The following MYH6 variants were observed in gnomAD, a reference collection of about 807,000 sequenced individuals.
MYH6 encodes myosin heavy chain 6, also known as myosin-6.
Under a neutral mutation model 223.2 loss-of-function variants are expected in MYH6, and 126 were observed. That is an observed-to-expected ratio of 0.56 (90% CI 0.49 to 0.65). The LOEUF is 0.65. MYH6 is among the 30% of genes least tolerant of loss of function. The pLI is 0.00. For synonymous variants in MYH6, 978 were observed against 1,010.2 expected (o/e 0.97, Z 0.61); for missense variants, 2,040 against 2,536.4 (o/e 0.80, Z 4.20).
chr14:23,387,671 AG>A lies in MYH6; in HGVS notation c.4526-19del. 1.2e-6 allele frequency: 2 copies of A among 1,614,126 alleles called. No individual in the cohort carries two copies. Among genetic ancestry groups the A allele is most frequent in the Non-Finnish European group, 1.7e-6 (2 of 1,180,006 alleles). The stretch of plus-strand genomic sequence containing the variant: ...GATTTCCTCTGGGGACCAGAGGGCC[AG>A]AAAGCTCAAAGCCTATGTTCCCCCT... On this transcript the variant is annotated intron_variant, in intron 31 of 38. Coordinates refer to ENST00000405093, the MANE Select transcript of MYH6 (RefSeq NM_002471.4).
At chr14:23,385,374 C>G (rs1445701567) in intron 34 of MYH6, among the ~76,000 whole-genome samples, 2 of 150,770 alleles carry the variant, frequency 1.3e-5, no homozygotes, top group African/African-American at 4.9e-5. Context: ...GACAATATTC[C>G]AGAGATGTTT....
Position 23,407,384 on chromosome 14 carries a change from G to T in MYH6, c.-13-148C>A, listed in dbSNP as rs1891824093. 2.7e-6 allele frequency: 3 copies of T among 1,121,352 alleles called. No individual in the cohort carries two copies. The highest frequency in any genetic ancestry group is 3.8e-6 in the Non-Finnish European group (3 of 781,738). 69.5% of individuals were successfully genotyped at this position (1,121,352 alleles called of 1,614,324 possible). A position where few individuals can be genotyped will look rare whatever the true frequency, so the allele number is the denominator to read the frequency against. ...GCTGTTGCACCCTCCCCTACTCAGG[G>T]CTCTGCTTCTCCTGCCCTCTGAGGT... On this transcript the variant is annotated intron_variant, in intron 2 of 38. Coordinates refer to ENST00000405093, the MANE Select transcript of MYH6 (RefSeq NM_002471.4). The surrounding 1 kb of genome is among the most constrained non-coding windows in gnomAD (Gnocchi z 5.6).
chr14:23,387,102 G>A (rs1446482781), intron 32 of MYH6, among the ~76,000 whole-genome samples: 3 of 152,154 alleles, frequency 2.0e-5, no homozygotes, highest in Non-Finnish European at 4.4e-5. Context: ...ATAATCATGT[G>A]TAAAATCATA....
chr14:23,383,359 G>A (rs997873841), intron 36 of MYH6, 39 bp from the exon 37 acceptor site: 3 of 1,460,520 alleles, frequency 2.1e-6, no homozygotes, highest in South Asian at 2.4e-5. Flanking sequence ...TTTGGAGGGG[G>A]AGCAAATGCA....
chr14:23,405,162 G>A lies in MYH6; in HGVS notation c.503-35C>T, dbSNP rs779939903. 2 of 1,614,006 alleles carry A rather than the reference G, an allele frequency of 1.2e-6. No individual in the cohort carries two copies. The highest frequency in any genetic ancestry group is 3.3e-5 in the Admixed American group (2 of 60,026). On this transcript the variant is annotated intron_variant, in intron 5 of 38. Coordinates refer to ENST00000405093, the MANE Select transcript of MYH6 (RefSeq NM_002471.4). The surrounding 1 kb of genome is among the most constrained non-coding windows in gnomAD (Gnocchi z 4.7). ...AAAAGAGGAGAAGCAATGGGGTCAG[G>A]GCTGAGGATCTGGGTGGGTGTCTGG... is the stretch of plus-strand genomic sequence containing the variant.
In MYH6 at chr14:23,398,774, G is replaced by C; in HGVS notation, c.1845C>G (p.Leu615=). ...AGGAGAAGAGAGTGGCCATGAGCTT[G>C]AGGGAGGACTTCTGGTACAGGGCCA... ...TVVALYQKSS[L]KLMATLFSSY... Residue 615 remains leucine (L), a synonymous_variant, in exon 15 of 39, where the codon CTC becomes CTG. Transcript: ENST00000405093. The C allele has an allele frequency of 6.2e-7, 1 of 1,614,228 alleles. No individual in the cohort carries two copies. The highest frequency in any genetic ancestry group is 1.1e-5 in the South Asian group (1 of 91,080).
Position 23,400,965 on chromosome 14 carries a change from G to C in MYH6, c.1154C>G (p.Ser385Trp). 1 of 1,614,028 alleles carries C rather than the reference G, an allele frequency of 6.2e-7. No individual in the cohort carries two copies. Among genetic ancestry groups the C allele is most frequent in the South Asian group, 1.1e-5 (1 of 91,082 alleles). Residue 385 changes from serine (S) to tryptophan (W), a missense_variant, in exon 13 of 39, where the codon TCG (serine) becomes TGG (tryptophan). Transcript: ENST00000405093. ...EPDGTEDADKSAYLMGLNSAD... is the reference protein window; with the variant it reads ...EPDGTEDADKWAYLMGLNSAD... ...TGAGTTCAGCCCCATGAGGTAGGCC[G>C]ACTTGTCAGCATCTGGTTGAGAGGG...
chr14:23,400,331 G>A lies in MYH6; in HGVS notation c.1506C>T (p.Tyr502=). 6.2e-7 allele frequency: 1 copy of A among 1,614,224 alleles called. No individual in the cohort carries two copies. The highest frequency in any genetic ancestry group is 8.5e-7 in the Non-Finnish European group (1 of 1,180,046). The change falls in exon 14 of 39, where the codon TAC becomes TAT. Residue 502 remains tyrosine (Y), a synonymous_variant. Transcript: ENST00000405093. ...HHMFVLEQEE[Y]KKEGIEWTFI... is the part of the protein sequence containing the mutation. ...ATGTCCACTCAATGCCCTCCTTCTT[G>A]TACTCCTCCTGCTCCAGCACGAACA...
intron 6 of MYH6, 105 bp from the exon 7 acceptor site, chr14:23,404,927 C>T (rs562646486): frequency 6.7e-7 from 1 of 1,481,734 alleles, no homozygotes; most frequent in Admixed American, 1.8e-5. Flanking sequence ...GAGCCCAGCA[C>T]CCAGCAGGAT....
At chr14:23,392,757 C>A in intron 24 of MYH6, 105 bp from the exon 25 acceptor site, 2 of 1,451,622 alleles carry the variant, frequency 1.4e-6, no homozygotes, top group East Asian at 4.5e-5. Flanking sequence ...CTCCCCCTCC[C>A]CTCGCCAGCC....
At chr14:23,389,329 G>T in intron 28 of MYH6, 64 bp downstream of exon 28, 3 of 1,545,624 alleles carry the variant, frequency 1.9e-6, no homozygotes, top group Non-Finnish European at 2.7e-6. Flanking sequence ...CTCCATTTCT[G>T]GCACTGAGAT....
chr14:23,404,656 C>A (rs548328011), intron 7 of MYH6, 55 bp downstream of exon 7: 14 of 1,527,394 alleles, frequency 9.2e-6, no homozygotes, highest in Admixed American at 1.7e-5. Flanking sequence ...AGGGGTAACT[C>A]GGGTCAGCCT....
Position 23,403,445 on chromosome 14 carries a change from G to A in MYH6, c.801C>T (p.Tyr267=), listed in dbSNP as rs1811002013. The A allele has an allele frequency of 6.2e-7, 1 of 1,613,492 alleles. No homozygotes were observed. The highest frequency in any genetic ancestry group is 8.5e-7 in the Non-Finnish European group (1 of 1,179,458). Residue 267 remains tyrosine, a splice_region_variant and synonymous_variant, in exon 10 of 39, where the codon TAC becomes TAT. Coordinates refer to ENST00000405093, the MANE Select transcript of MYH6 (RefSeq NM_002471.4). ...GKLASADIET[Y]LLEKSRVIFQ... is the part of the protein sequence containing the mutation. ...AGATCACCCGGGACTTCTCCAGCAG[G>A]TCTGAGGTGGGTGGAGGGGAGGAAG...
At chr14:23,397,955 CTTCTTCTT>C (rs1891466283) in intron 15 of MYH6, among the ~76,000 whole-genome samples, 1 of 96,804 alleles carries the variant, frequency 1.0e-5, no homozygotes, top group African/African-American at 4.2e-5. Flanking sequence ...TCTTCTTCTT[CTTCTTCTT>C]CTTCTTCTTC....
Position 23,383,339 on chromosome 14 carries a change from G to GGGCGCGGGCCCCCCCCCCCC in MYH6, c.5566-20_5566-19insGGGGGGGGGGGGCCCGCGCC. Reference sequence around the variant, plus strand: ...CCTCTGTCTGGGGGTGGGAGGGTGGGAGAAGCTGGTTTGGAGGGGGAGCAA... The same window carrying GGGCGCGGGCCCCCCCCCCCC: ...CCTCTGTCTGGGGGTGGGAGGGTGGGGGCGCGGGCCCCCCCCCCCCAGAAGCTGGTTTGGAGGGGGAGCAA... On this transcript the variant is annotated intron_variant, in intron 36 of 38. Transcript: ENST00000405093. 1 of 108,202 alleles carries GGGCGCGGGCCCCCCCCCCCC rather than the reference G, an allele frequency of 9.2e-6. No homozygotes were observed. Among genetic ancestry groups the GGGCGCGGGCCCCCCCCCCCC allele is most frequent in the Non-Finnish European group, 1.8e-5 (1 of 54,384 alleles). The allele number at this position is 108,202 out of a possible 1,614,324, so 6.7% of individuals were successfully genotyped here.
At position 23,405,636 on chromosome 14, in the gene MYH6, C is replaced by T; in HGVS notation, c.336G>A (p.Trp112Ter). ...TGCAGGAGCCACTCACATATATCAT[C>T]CAGGCCGCGTAGCGCTCCTTGAGGT... ...LFNLKERYAA[W>*]MIYTYSGLFC... is the part of the protein sequence containing the mutation. Residue 112 changes from tryptophan (W) to a stop codon, truncating the protein, a stop_gained, in exon 4 of 39, where the codon TGG (tryptophan) becomes TGA (stop). Transcript: ENST00000405093. LOFTEE classifies it high-confidence loss of function. The surrounding 1 kb of genome is among the most constrained non-coding windows in gnomAD (Gnocchi z 4.7). 6.2e-7 allele frequency: 1 copy of T among 1,614,206 alleles called. No individual in the cohort carries two copies. Among genetic ancestry groups the T allele is most frequent in the Non-Finnish European group, 8.5e-7 (1 of 1,180,034 alleles).
Position 23,392,659 on chromosome 14 carries a change from G to C in MYH6, c.3252-7C>G, listed in dbSNP as rs1286943386. The C allele has an allele frequency of 1.5e-6, 2 of 1,308,910 alleles. No individual in the cohort carries two copies. The highest frequency in any genetic ancestry group is 2.2e-6 in the Non-Finnish European group (2 of 904,908). The allele number at this position is 1,308,910 out of a possible 1,614,324, so 81.1% of individuals were successfully genotyped here. A position where few individuals can be genotyped will look rare whatever the true frequency, so the allele number is the denominator to read the frequency against. On this transcript the variant is annotated splice_polypyrimidine_tract_variant and splice_region_variant and intron_variant, in intron 24 of 38. Transcript: ENST00000405093. ...ATTAATGTCAAACTCCTTCCTGCAG[G>C]AGAAGGGTGGGGGTGGGGGAGTGAC...
chr14:23,386,659 C>G (rs757283536), intron 32 of MYH6, 36 bp from the exon 33 acceptor site: 6 of 1,588,696 alleles, frequency 3.8e-6, no homozygotes, highest in Non-Finnish European at 4.3e-6. Context: ...GCAGACAGGG[C>G]ACAGGGCAGG....
chr14:23,397,367 G>T, intron 16 of MYH6, 110 bp from the exon 17 acceptor site: 1 of 1,306,370 alleles, frequency 7.7e-7, no homozygotes, highest in Non-Finnish European at 1.1e-6. Context: ...GACAGGGGCT[G>T]CCACATAATT....
Sources: allele counts gnomAD v4.1 joint callset (sites outside exome capture counted in the v4.1 genomes callset), GRCh38; gene constraint gnomAD v4.1.1; non-coding constraint Gnocchi (gnomAD v3.1); transcripts MANE v1.5; gene names NCBI Gene and HGNC (gene_info 2026-07-23, HGNC 2026-07-21).